Variants in MKS1 observed in about 807,000 individuals in gnomAD.
The protein encoded by MKS1 is tectonic-like complex member MKS1.
MKS1 carries 70 observed loss-of-function variants against 83.7 expected under a neutral mutation model. That is an observed-to-expected ratio of 0.84 (90% CI 0.69 to 1.02). The LOEUF (loss-of-function observed/expected upper bound fraction) is 1.02, where lower values mean the gene tolerates loss of function less well. MKS1 is among the 50% of genes least tolerant of loss of function. The pLI is 0.00. For synonymous variants in MKS1, 251 were observed against 273.4 expected (o/e 0.92, Z 0.81); for missense variants, 681 against 726.9 (o/e 0.94, Z 0.73).
intron 4 of MKS1, 60 bp downstream of exon 4, chr17:58,216,028 G>A: frequency 1.3e-6 from 2 of 1,588,464 alleles, no homozygotes; most frequent in Non-Finnish European, 1.7e-6. Context: ...AGAACTCAGT[G>A]AGGCAAAAAA....
At chr17:58,210,041 G>C (rs935804086) in intron 11 of MKS1, among the ~76,000 whole-genome samples, 3 of 152,184 alleles carry the variant, frequency 2.0e-5, no homozygotes, top group African/African-American at 7.2e-5. Context: ...ATGTTCCCTA[G>C]GTTTTTGGCA....
chr17:58,207,419 A>G, intron 14 of MKS1: 2 of 676,316 alleles, frequency 3.0e-6, no homozygotes, highest in East Asian at 5.5e-5. Flanking sequence ...CCGCTCTGCC[A>G]GTTATTACCT....
chr17:58,212,492 G>A, intron 8 of MKS1, 58 bp from the exon 9 acceptor site: 1 of 1,566,930 alleles, frequency 6.4e-7, no homozygotes, highest in Non-Finnish European at 8.8e-7. Context: ...CCAAAGTTCA[G>A]TTCTGAATGG....
chr17:58,206,525 C>T lies in MKS1; in HGVS notation c.1430G>A (p.Gly477Glu). 1.2e-6 allele frequency: 2 copies of T among 1,613,592 alleles called. No individual in the cohort carries two copies. The highest frequency in any genetic ancestry group is 1.7e-6 in the Non-Finnish European group (2 of 1,180,002). ...AGTGCCTGTGGTCTCTGTGCGGAGT[C>T]CAAAGCGGCTCAGGCGTTCCCCCTG... ...SFKGERLSRF[G>E]LRTETTGTVT... Residue 477 changes from glycine (G) to glutamate (E), a missense_variant, in exon 16 of 18, where the codon GGA becomes GAA. Gly to Glu is a moderately conservative substitution (Grantham distance 98). Transcript: ENST00000393119.
rs1968450281 is a variant in MKS1 at position 58,205,527 on chromosome 17, A to G, written c.*552T>C. 1.5e-6 allele frequency: 2 copies of G among 1,293,982 alleles called. No homozygotes were observed. The highest frequency in any genetic ancestry group is 1.0e-6 in the Non-Finnish European group (1 of 985,058). 80.2% of individuals were successfully genotyped at this position (1,293,982 alleles called of 1,614,324 possible). ...AAAAGATACCACCCAGCTAGCAGAA[A>G]GGACTCAGCACTGCCTTCAGCCTTC... On this transcript the variant is annotated 3_prime_UTR_variant, in exon 18 of 18. Transcript: ENST00000393119.
At chr17:58,211,885 A>G (rs1427613312) in intron 9 of MKS1, among the ~76,000 whole-genome samples, 3 of 152,150 alleles carry the variant, frequency 2.0e-5, no homozygotes, top group Admixed American at 2.0e-4. Context: ...TAAGAGCCAA[A>G]ATATGTGACA....
Position 58,206,183 on chromosome 17 carries a change from G to A in MKS1, c.1589-13C>T. On this transcript the variant is annotated splice_polypyrimidine_tract_variant and intron_variant, in intron 17 of 17. Coordinates refer to ENST00000393119, the MANE Select transcript of MKS1 (RefSeq NM_017777.4). The stretch of plus-strand genomic sequence containing the variant: ...CGACGGAAGGCCTCTGTAAGGAAAG[G>A]AGATATGCTATTTGGCTGCCATATG... 6.2e-7 allele frequency: 1 copy of A among 1,614,094 alleles called. No individual in the cohort carries two copies. The highest frequency in any genetic ancestry group is 2.2e-5 in the East Asian group (1 of 44,874).
At position 58,216,197 on chromosome 17, in the gene MKS1, A is replaced by G. The variant is rs201574278; in HGVS notation, c.308T>C (p.Leu103Ser). ...YQNETACQSP[L>S]DYQYRQEILK... ...GATCTCCTGACGGTACTGATAATCC[A>G]AAGGACTCTGACAGGCTGTTTCATT... The change falls in exon 4 of 18, where the codon TTG becomes TCG. Residue 103 changes from leucine to serine, a missense_variant. Physicochemically the swap from Leu to Ser is moderately radical, Grantham distance 145. This residue lies in a region of MKS1 where 365 missense variants were observed against 383.8 expected (regional missense o/e 0.95). Transcript: ENST00000393119. 1.7e-5 allele frequency: 28 copies of G among 1,613,978 alleles called. No individual in the cohort carries two copies. Among genetic ancestry groups the G allele is most frequent in the Non-Finnish European group, 2.3e-5 (27 of 1,180,042 alleles).
At chr17:58,218,787 A>C in intron 1 of MKS1, 58 bp from the exon 2 acceptor site, 1 of 1,427,064 alleles carries the variant, frequency 7.0e-7, no homozygotes, top group Non-Finnish European at 9.9e-7. Flanking sequence ...GATGAACACA[A>C]AGCAAGGATG....
rs367668056 is a variant in MKS1, at chr17:58,216,236, A to G, written c.269T>C (p.Val90Ala). The G allele has an allele frequency of 6.2e-7, 1 of 1,612,762 alleles. No individual in the cohort carries two copies. The highest frequency in any genetic ancestry group is 8.5e-7 in the Non-Finnish European group (1 of 1,179,966). Residue 90 changes from valine to alanine, a missense_variant, in exon 4 of 18, where the codon GTA becomes GCA. By Grantham distance (64) the Val-to-Ala change is moderately conservative (BLOSUM62 0). Around this residue, in one of 3 missense-constraint regions of MKS1, gnomAD observed 365 missense variants for 383.8 expected, o/e 0.95. Transcript: ENST00000393119. ...GGCTGTTTCATTTTGGTACAGATCT[A>G]CTTCAAACTGAGGTTACCATAAGGA... ...WQEKLFSQFEVDLYQNETACQ... is the reference protein window; with the variant it reads ...WQEKLFSQFEADLYQNETACQ...
chr17:58,206,508 T>C lies in MKS1; in HGVS notation c.1447A>G (p.Thr483Ala). ...TGCAAGCGGAAGGTGACAGTGCCTGTGGTCTCTGTGCGGAGTCCAAAGCGG... is the reference window on the plus strand; with the variant it reads ...TGCAAGCGGAAGGTGACAGTGCCTGCGGTCTCTGTGCGGAGTCCAAAGCGG... ...LSRFGLRTET[T>A]GTVTFRLHCL... Residue 483 changes from threonine (T) to alanine (A), a missense_variant, in exon 16 of 18, where the codon ACA (threonine) becomes GCA (alanine). By Grantham distance (58) the Thr-to-Ala change is moderately conservative (BLOSUM62 0). Transcript: ENST00000393119. The C allele has an allele frequency of 6.2e-7, 1 of 1,614,018 alleles. No individual in the cohort carries two copies. Among genetic ancestry groups the C allele is most frequent in the Non-Finnish European group, 8.5e-7 (1 of 1,180,014 alleles).
At chr17:58,218,391 T>C (rs1323057188) in intron 2 of MKS1, among the ~76,000 whole-genome samples, 2 of 127,064 alleles carry the variant, frequency 1.6e-5, no homozygotes, top group African/African-American at 3.1e-5. Flanking sequence ...GAGCTTGCAG[T>C]GAGCGGAGAT....
chr17:58,208,907 C>T (rs546069146), intron 11 of MKS1, among the ~76,000 whole-genome samples: 7 of 152,220 alleles, frequency 4.6e-5, no homozygotes, highest in African/African-American at 1.7e-4. Flanking sequence ...TTTAACAAAG[C>T]ACATCTTGCA....
chr17:58,211,222 T>A, intron 9 of MKS1, 200 bp from the exon 10 acceptor site: 1 of 603,924 alleles, frequency 1.7e-6, no homozygotes, highest in Non-Finnish European at 3.0e-6. Flanking sequence ...AGGGGGAAAG[T>A]ACATAATTTA....
At chr17:58,207,250 T>A in intron 14 of MKS1, 32 bp from the exon 15 acceptor site, 2 of 1,612,810 alleles carry the variant, frequency 1.2e-6, no homozygotes, top group Non-Finnish European at 1.7e-6. Flanking sequence ...TGGGGCCAGG[T>A]CCAGAAAGGG....
rs2143757456 is a variant in MKS1, at chr17:58,208,543, T to C, written c.1065A>G (p.Thr355=). The C allele has an allele frequency of 6.2e-7, 1 of 1,614,150 alleles. No individual in the cohort carries two copies. The highest frequency in any genetic ancestry group is 8.5e-7 in the Non-Finnish European group (1 of 1,180,024). ...SPAFQQLSGV[T]QTCTTKSLAM... ...CCAGGGACTTGGTGGTGCAGGTCTG[T>C]GTTACTCCTGAGAGCTGCTGGAATG... The change falls in exon 12 of 18, where the codon ACA becomes ACG. Residue 355 remains threonine (T), a synonymous_variant. Coordinates refer to ENST00000393119, the MANE Select transcript of MKS1 (RefSeq NM_017777.4).
At chr17:58,206,680 C>T in intron 15 of MKS1, 133 bp from the exon 16 acceptor site, 1 of 914,734 alleles carries the variant, frequency 1.1e-6, no homozygotes, top group Non-Finnish European at 1.7e-6. Context: ...ATTCCATCAC[C>T]CAGACTCTAT....
chr17:58,215,040 G>T, intron 4 of MKS1: 2 of 741,164 alleles, frequency 2.7e-6, no homozygotes, highest in Non-Finnish European at 4.2e-6. Context: ...GTTTGCCTTT[G>T]GATTTTAAAA....
At chr17:58,214,886 T>G (rs1969102513) in intron 4 of MKS1, 48 bp from the exon 5 acceptor site, 1 of 1,564,410 alleles carries the variant, frequency 6.4e-7, no homozygotes, top group South Asian at 1.2e-5. Flanking sequence ...CAGGGCCACA[T>G]GGAGCCAAGT....
Sources: gnomAD v4.1 joint callset for allele counts (sites outside exome capture counted in the v4.1 genomes callset) on GRCh38, gnomAD v4.1.1 for gene constraint, gnomAD v4.1.1 regional missense constraint, MANE v1.5 for transcripts, NCBI Gene and HGNC (gene_info 2026-07-23, HGNC 2026-07-21) for gene names.